The following NCOA1 variants were observed in gnomAD, a reference collection of about 807,000 sequenced individuals.
The protein encoded by NCOA1 is Hin-2 protein.
Under a neutral mutation model 150.9 loss-of-function variants are expected in NCOA1, and 35 were observed. That is an observed-to-expected ratio of 0.23 (90% CI 0.18 to 0.31). The LOEUF (loss-of-function observed/expected upper bound fraction) is 0.31. NCOA1 is among the 10% of genes least tolerant of loss of function. The pLI is 1.00. For synonymous variants in NCOA1, 590 were observed against 630.0 expected (o/e 0.94, Z 0.95); for missense variants, 1,491 against 1,749.3 (o/e 0.85, Z 2.63).
At chr2:24,544,009 C>G (rs1200800163) in intron 1 of NCOA1, among the ~76,000 whole-genome samples, 2 of 152,036 alleles carry the variant, frequency 1.3e-5, no homozygotes, top group African/African-American at 4.8e-5. Flanking sequence ...AGAAATTTTT[C>G]TAGGTGGGAG....
At chr2:24,552,343 A>AT (rs1665876351) in intron 1 of NCOA1, among the ~76,000 whole-genome samples, 1 of 28,848 alleles carries the variant, frequency 3.5e-5, no homozygotes, top group African/African-American at 1.4e-4. Flanking sequence ...ATATATATAT[A>AT]TATATATATA....
intron 3 of NCOA1, among the ~76,000 whole-genome samples, chr2:24,640,804 A>G (rs1670178791): frequency 6.6e-6 from 1 of 151,842 alleles, no homozygotes. Flanking sequence ...ATTCTTTTCC[A>G]TTTTTTAAAC....
chr2:24,588,224 A>G (rs1173289177), intron 3 of NCOA1, among the ~76,000 whole-genome samples: 2 of 152,090 alleles, frequency 1.3e-5, no homozygotes, highest in Non-Finnish European at 2.9e-5. Context: ...AGCTGGGACT[A>G]CAGGTGCTCG....
intron 17 of NCOA1, among the ~76,000 whole-genome samples, chr2:24,733,489 A>C (rs949248267): frequency 6.6e-5 from 10 of 152,256 alleles, no homozygotes; most frequent in African/African-American, 2.4e-4. Context: ...CACGCCTGTA[A>C]TCCTAGCACT....
In NCOA1 at chr2:24,769,867, G is replaced by A. The variant is rs1208907365; in HGVS notation, c.*1476G>A. The stretch of plus-strand genomic sequence containing the variant: ...CACTCACCTTTGTCTGCATCCCTGG[G>A]CCTGTGAATGATGACAGCACCTGAC... On this transcript the variant is annotated 3_prime_UTR_variant, in exon 23 of 23. Transcript: ENST00000348332. 1 of 224,196 alleles carries A rather than the reference G, an allele frequency of 4.5e-6. No individual in the cohort carries two copies. The highest frequency in any genetic ancestry group is 8.9e-6 in the Non-Finnish European group (1 of 112,308). The allele number at this position is 224,196 out of a possible 1,614,324, so 13.9% of individuals were successfully genotyped here. A position where few individuals can be genotyped will look rare whatever the true frequency, so the allele number is the denominator to read the frequency against.
At chr2:24,730,871 C>CAAAAAAAAAAAAAAAAAAA (rs35975198) in intron 17 of NCOA1, among the ~76,000 whole-genome samples, 1 of 61,886 alleles carries the variant, frequency 1.6e-5, no homozygotes, top group Non-Finnish European at 2.8e-5. Context: ...ACTAAAAGTA[C>CAAAAAAAAAAAAAAAAAAA]AAAAAAAAAA....
intron 17 of NCOA1, among the ~76,000 whole-genome samples, chr2:24,732,919 A>G (rs1663092418): frequency 6.6e-6 from 1 of 150,402 alleles, no homozygotes; most frequent in South Asian, 2.1e-4. Flanking sequence ...CAAAAAAAGA[A>G]AAAAAGGAAC....
At chr2:24,701,337 C>T (rs1673148416) in intron 11 of NCOA1, among the ~76,000 whole-genome samples, 1 of 151,768 alleles carries the variant, frequency 6.6e-6, no homozygotes, top group Non-Finnish European at 1.5e-5. Flanking sequence ...AACCTCATCT[C>T]TACAAAAAAT....
At chr2:24,518,415 C>T (rs1664293020) in intron 1 of NCOA1, among the ~76,000 whole-genome samples, 2 of 151,998 alleles carry the variant, frequency 1.3e-5, no homozygotes, top group Non-Finnish European at 2.9e-5. Context: ...AATGCATTCC[C>T]TCCATAAACA....
At chr2:24,691,364 C>A in intron 8 of NCOA1, 117 bp from the exon 9 acceptor site, 1 of 872,246 alleles carries the variant, frequency 1.1e-6, no homozygotes, top group African/African-American at 1.7e-5. Context: ...AGAGGTCAGT[C>A]TGTCTTTTAA....
intron 3 of NCOA1, among the ~76,000 whole-genome samples, chr2:24,639,916 G>GCATA (rs1670112846): frequency 3.4e-5 from 1 of 29,738 alleles, no homozygotes; most frequent in African/African-American, 6.5e-5. Flanking sequence ...ATGTGTGTGT[G>GCATA]TATATATATA....
intron 5 of NCOA1, 194 bp downstream of exon 5, chr2:24,658,960 C>T: frequency 1.8e-6 from 1 of 561,292 alleles, no homozygotes; most frequent in Non-Finnish European, 3.2e-6. Flanking sequence ...TCTTGATTTC[C>T]TTTAGTTAAC....
intron 22 of NCOA1, among the ~76,000 whole-genome samples, chr2:24,764,699 C>T (rs1664958979): frequency 6.6e-6 from 1 of 152,160 alleles, no homozygotes; most frequent in Admixed American, 6.5e-5. Context: ...GCCTTGAATG[C>T]TAAACTGAGG....
intron 11 of NCOA1, among the ~76,000 whole-genome samples, chr2:24,703,053 T>A (rs1673239399): frequency 6.6e-6 from 1 of 152,196 alleles, no homozygotes; most frequent in Non-Finnish European, 1.5e-5. Flanking sequence ...TTCCCTCTGA[T>A]GTTTATTGAG....
intron 2 of NCOA1, among the ~76,000 whole-genome samples, chr2:24,580,894 C>G (rs1436422169): frequency 6.6e-6 from 1 of 152,142 alleles, no homozygotes; most frequent in Non-Finnish European, 1.5e-5. Flanking sequence ...TGCTGACACT[C>G]TGGGTCTTAT....
At chr2:24,505,307 C>G (rs1349778794) in intron 1 of NCOA1, among the ~76,000 whole-genome samples, 1 of 152,028 alleles carries the variant, frequency 6.6e-6, no homozygotes, top group Non-Finnish European at 1.5e-5. Flanking sequence ...CTGCCTCAGC[C>G]TCCCAAGTAG....
At chr2:24,629,375 C>G (rs113911244) in intron 3 of NCOA1, among the ~76,000 whole-genome samples, 1 of 151,176 alleles carries the variant, frequency 6.6e-6, no homozygotes, top group Non-Finnish European at 1.5e-5. Flanking sequence ...TGTAAACACA[C>G]AGTTTATAAA....
chr2:24,571,122 T>C (rs1666728416), intron 2 of NCOA1, among the ~76,000 whole-genome samples: 1 of 152,062 alleles, frequency 6.6e-6, no homozygotes. Flanking sequence ...CCTGCTTCCT[T>C]ACTATCTCGA....
intron 3 of NCOA1, among the ~76,000 whole-genome samples, chr2:24,593,121 G>C (rs1307918850): frequency 6.6e-6 from 1 of 152,124 alleles, no homozygotes; most frequent in Non-Finnish European, 1.5e-5. Flanking sequence ...GGATCAAGAA[G>C]AGTCAAGGAC....
Sources: allele counts gnomAD v4.1 joint callset (sites outside exome capture counted in the v4.1 genomes callset), GRCh38; gene constraint gnomAD v4.1.1; transcripts MANE v1.5; gene names NCBI Gene and HGNC (gene_info 2026-07-23, HGNC 2026-07-21).